The following ATP2B1 variants were observed in gnomAD, a reference collection of about 807,000 sequenced individuals.
ATP2B1 encodes the protein ATPase plasma membrane Ca2+ transporting 1.
ATP2B1 carries 14 observed loss-of-function variants against 124.2 expected under a neutral mutation model. The ratio of observed to expected loss-of-function variants is 0.11; its 90% CI spans 0.07 to 0.18. The LOEUF is 0.18. Ranked by LOEUF, ATP2B1 falls within the 10% of genes least tolerant of loss-of-function variation. The probability of loss-of-function intolerance (pLI) is 1.00; values close to 1 mark genes in which losing one functional copy is unlikely to be tolerated. For missense variants in ATP2B1, 763 were observed against 1,466.1 expected, an observed-to-expected ratio of 0.52 and a Z score of 7.83; for synonymous variants, 449 against 492.4, an observed-to-expected ratio of 0.91 and a Z score of 1.17.
At chr12:89,673,590 C>T (rs1003943418) in intron 1 of ATP2B1, among the ~76,000 whole-genome samples, 12 of 152,180 alleles carry the variant, frequency 7.9e-5, no homozygotes, top group Non-Finnish European at 1.5e-4. Context: ...GTGAGGGTGC[C>T]ATGAGGACTA....
intron 3 of ATP2B1, among the ~76,000 whole-genome samples, chr12:89,638,416 G>C (rs1210384362): frequency 6.6e-6 from 1 of 152,126 alleles, no homozygotes; most frequent in African/African-American, 2.4e-5. Flanking sequence ...TGAAACCTGA[G>C]AGGGATTCCT....
intron 19 of ATP2B1, 84 bp from the exon 20 acceptor site, chr12:89,599,383 G>A: frequency 7.1e-7 from 1 of 1,405,082 alleles, no homozygotes; most frequent in Non-Finnish European, 9.7e-7. Flanking sequence ...GGTATTAAAA[G>A]TGGTGAGAGT....
chr12:89,647,610 G>A (rs1884663833), intron 2 of ATP2B1, among the ~76,000 whole-genome samples: 1 of 152,112 alleles, frequency 6.6e-6, no homozygotes, highest in South Asian at 2.1e-4. Flanking sequence ...TTCTGTACTA[G>A]AAATTTTGTA....
At chr12:89,691,812 G>A (rs1890589610) in intron 1 of ATP2B1, among the ~76,000 whole-genome samples, 1 of 152,078 alleles carries the variant, frequency 6.6e-6, no homozygotes, top group Non-Finnish European at 1.5e-5. Context: ...GAGTCTATGG[G>A]AATTTGAATC....
At chr12:89,670,362 T>C (rs778227666) in intron 1 of ATP2B1, among the ~76,000 whole-genome samples, 44 of 108,218 alleles carry the variant, frequency 4.1e-4, no homozygotes, top group Non-Finnish European at 7.0e-4. Flanking sequence ...GTGCACAAAA[T>C]AAAACCGAAT....
chr12:89,687,472 C>T (rs1392183335), intron 1 of ATP2B1, among the ~76,000 whole-genome samples: 1 of 151,996 alleles, frequency 6.6e-6, no homozygotes, highest in East Asian at 1.9e-4. Flanking sequence ...AGGTTACATG[C>T]AAACATATTT....
intron 1 of ATP2B1, among the ~76,000 whole-genome samples, chr12:89,674,700 G>A (rs1001348139): frequency 2.6e-5 from 4 of 152,152 alleles, no homozygotes; most frequent in African/African-American, 7.2e-5. Context: ...ACTGAAGTGA[G>A]GCAGGTTAAG....
chr12:89,672,291 T>C (rs1888092640), intron 1 of ATP2B1, among the ~76,000 whole-genome samples: 2 of 152,054 alleles, frequency 1.3e-5, no homozygotes, highest in South Asian at 4.1e-4. Flanking sequence ...CCCGTCTCTA[T>C]TAAAATACCC....
Position 89,604,360 on chromosome 12 carries a change from T to A in ATP2B1, c.2443-14A>T, listed in dbSNP as rs778551986. 9.7e-5 allele frequency: 152 copies of A among 1,572,042 alleles called. No individual in the cohort carries two copies. The highest frequency in any genetic ancestry group is 1.3e-4 in the Non-Finnish European group (151 of 1,162,960). ...TCCAGCAATACCCTGTTAAAAAAAA[T>A]TTTGTGAATTAGACTAAATGTTTTA... On this transcript the variant is annotated splice_polypyrimidine_tract_variant and intron_variant, in intron 15 of 20. Coordinates refer to ENST00000428670, the MANE Select transcript of ATP2B1 (RefSeq NM_001366521.1).
chr12:89,605,468 G>A (rs1055309713), intron 15 of ATP2B1, among the ~76,000 whole-genome samples: 8 of 152,038 alleles, frequency 5.3e-5, no homozygotes, highest in Admixed American at 2.6e-4. Context: ...GCTCACTTGC[G>A]GTGTTCTCTT....
chr12:89,633,594 T>C (rs547522845), intron 5 of ATP2B1, among the ~76,000 whole-genome samples: 1 of 152,212 alleles, frequency 6.6e-6, no homozygotes, highest in East Asian at 1.9e-4. Context: ...TAGGATTTTC[T>C]GGCCAATATA....
chr12:89,629,286 G>T (rs969605138), intron 6 of ATP2B1, among the ~76,000 whole-genome samples: 2 of 152,114 alleles, frequency 1.3e-5, no homozygotes, highest in African/African-American at 4.8e-5. Flanking sequence ...TATAATCTCC[G>T]TAAGCCTCAG....
Position 89,603,549 on chromosome 12 carries a change from C to G in ATP2B1, c.2848+163G>C, listed in dbSNP as rs1876281001. On this transcript the variant is annotated intron_variant, in intron 17 of 20. Coordinates refer to ENST00000428670, the MANE Select transcript of ATP2B1 (RefSeq NM_001366521.1). The surrounding 1 kb of genome is among the most constrained non-coding windows in gnomAD (Gnocchi z 4.3). ...ATTCTACTATCTAGCTTATTGTCCT[C>G]CCAAATTTACTAAGCACTCACTGAT... The G allele has an allele frequency of 6.7e-6, 5 of 747,876 alleles. No homozygotes were observed. The highest frequency in any genetic ancestry group is 1.1e-5 in the Non-Finnish European group (5 of 469,506). The allele number at this position is 747,876 out of a possible 1,614,324, so 46.3% of individuals were successfully genotyped here. A position where few individuals can be genotyped will look rare whatever the true frequency, so the allele number is the denominator to read the frequency against.
intron 12 of ATP2B1, among the ~76,000 whole-genome samples, chr12:89,612,887 G>A (rs1346215832): frequency 6.6e-6 from 1 of 152,090 alleles, no homozygotes; most frequent in Non-Finnish European, 1.5e-5. Flanking sequence ...TAAGCACCAG[G>A]CATGTAACTG....
chr12:89,696,871 G>A (rs1043666755), intron 1 of ATP2B1, among the ~76,000 whole-genome samples: 1 of 152,090 alleles, frequency 6.6e-6, no homozygotes, highest in Non-Finnish European at 1.5e-5. Flanking sequence ...GCAGGTAGAA[G>A]GCAGCTACAC....
At chr12:89,621,889 TC>T (rs1880023937) in intron 9 of ATP2B1, 98 bp from the exon 10 acceptor site, 2 of 1,227,572 alleles carry the variant, frequency 1.6e-6, no homozygotes, top group Non-Finnish European at 2.2e-6. Flanking sequence ...ATTAGAAAAC[TC>T]CCAGCTTTCT....
At chr12:89,664,863 T>C (rs954905490) in intron 1 of ATP2B1, among the ~76,000 whole-genome samples, 2 of 151,998 alleles carry the variant, frequency 1.3e-5, no homozygotes, top group Non-Finnish European at 2.9e-5. Flanking sequence ...TTTTTTTTTT[T>C]TTTGAGACAG....
chr12:89,638,094 T>C (rs1882975817), intron 3 of ATP2B1, among the ~76,000 whole-genome samples: 1 of 152,030 alleles, frequency 6.6e-6, no homozygotes, highest in Non-Finnish European at 1.5e-5. Flanking sequence ...TTAGAGAAGT[T>C]ATAGGGGAAA....
chr12:89,610,661 T>A, intron 13 of ATP2B1, 153 bp from the exon 14 acceptor site: 1 of 640,720 alleles, frequency 1.6e-6, no homozygotes, highest in South Asian at 1.9e-5. Flanking sequence ...TTCTTGGGCA[T>A]GGACCCAGAT....
Sources: allele counts gnomAD v4.1 joint callset (sites outside exome capture counted in the v4.1 genomes callset), GRCh38; gene constraint gnomAD v4.1.1; non-coding constraint Gnocchi (gnomAD v3.1); transcripts MANE v1.5; gene names NCBI Gene and HGNC (gene_info 2026-07-23, HGNC 2026-07-21).